DENND5B: variants seen among roughly 807,000 people sequenced by gnomAD.
DENND5B encodes the protein DENN domain containing 5B.
In DENND5B, 34 loss-of-function variants were observed where a neutral mutation model predicts 140.6. The observed-to-expected ratio is 0.24, with a 90% CI of 0.18 to 0.32. The LOEUF (loss-of-function observed/expected upper bound fraction) is 0.32. Ranked by LOEUF, DENND5B falls within the 10% of genes least tolerant of loss-of-function variation. The pLI, the probability that DENND5B is intolerant of heterozygous loss-of-function variation, is 1.00. For synonymous variants in DENND5B, 551 were observed against 562.1 expected (o/e 0.98, Z 0.28); for missense variants, 1,142 against 1,560.2 (o/e 0.73, Z 4.52).
intron 1 of DENND5B, among the ~76,000 whole-genome samples, chr12:31,541,318 A>G (rs972854974): frequency 3.9e-5 from 6 of 152,198 alleles, no homozygotes; most frequent in African/African-American, 1.4e-4. Flanking sequence ...CAAGGGATTA[A>G]TATCCAAAAT....
rs377370269 is a variant in DENND5B at position 31,528,059 on chromosome 12, G to A, written c.128-32140C>T. Among the ~76,000 whole-genome samples the A allele has an allele frequency of 5.3e-5, 8 of 152,298 alleles. No homozygotes were observed. The South Asian group carries it at 6.2e-4, about 12-fold the overall frequency. Reference sequence around the variant, plus strand: ...CAACCTTGACTGAAATCCTAAACAGGAGAATGTATTAATTTCCAATGGCTG... The same window carrying A: ...CAACCTTGACTGAAATCCTAAACAGAAGAATGTATTAATTTCCAATGGCTG... On this transcript the variant is annotated intron_variant, in intron 1 of 20. Coordinates refer to ENST00000389082, the MANE Select transcript of DENND5B (RefSeq NM_144973.4).
chr12:31,523,574 G>T (rs1733866146), intron 1 of DENND5B, among the ~76,000 whole-genome samples: 2 of 151,184 alleles, frequency 1.3e-5, no homozygotes, highest in African/African-American at 2.4e-5. Flanking sequence ...TTATTAATCT[G>T]TTTTGACATT....
At chr12:31,573,184 T>C (rs1949882858) in intron 1 of DENND5B, among the ~76,000 whole-genome samples, 1 of 152,208 alleles carries the variant, frequency 6.6e-6, no homozygotes, top group Non-Finnish European at 1.5e-5. Context: ...TTCAGAGATA[T>C]TAAAAAATAT....
At chr12:31,516,956 G>A (rs1947680012) in intron 1 of DENND5B, among the ~76,000 whole-genome samples, 1 of 152,104 alleles carries the variant, frequency 6.6e-6, no homozygotes, top group Admixed American at 6.6e-5. Context: ...TTAAAAAGAA[G>A]AAATTAGAGC....
At chr12:31,442,234 T>C (rs1159784806) in intron 7 of DENND5B, among the ~76,000 whole-genome samples, 3 of 152,172 alleles carry the variant, frequency 2.0e-5, no homozygotes, top group Non-Finnish European at 2.9e-5. Flanking sequence ...TAGACTGGTG[T>C]GACAGGCTGT....
At chr12:31,539,212 A>G (rs546034254) in intron 1 of DENND5B, among the ~76,000 whole-genome samples, 23 of 152,270 alleles carry the variant, frequency 1.5e-4, no homozygotes, top group African/African-American at 5.3e-4. Context: ...GAACAAACCA[A>G]TAACAAGCAA....
chr12:31,517,308 T>C (rs1947697322), intron 1 of DENND5B, among the ~76,000 whole-genome samples: 1 of 152,230 alleles, frequency 6.6e-6, no homozygotes. Context: ...TGTTTTGTTT[T>C]GTTTTTCTGT....
chr12:31,416,557 C>G (rs1168350277), intron 11 of DENND5B, among the ~76,000 whole-genome samples: 1 of 152,112 alleles, frequency 6.6e-6, no homozygotes, highest in Non-Finnish European at 1.5e-5. Flanking sequence ...AGCCACCATG[C>G]CTGGCCAGTT....
chr12:31,468,834 A>G (rs4931502), intron 3 of DENND5B, among the ~76,000 whole-genome samples: 20,350 of 151,620 alleles, frequency 0.13, 1,608 homozygotes, highest in Non-Finnish European at 0.18. Flanking sequence ...AAACAAAAGG[A>G]AGTAATATAA....
At chr12:31,433,715 T>C (rs749670942) in intron 7 of DENND5B, among the ~76,000 whole-genome samples, 1 of 152,210 alleles carries the variant, frequency 6.6e-6, no homozygotes, top group Non-Finnish European at 1.5e-5. Flanking sequence ...TGTATGAAGC[T>C]TCCAACCTTT....
intron 1 of DENND5B, among the ~76,000 whole-genome samples, chr12:31,556,042 G>A (rs762716304): frequency 8.5e-5 from 13 of 152,202 alleles, no homozygotes; most frequent in African/African-American, 1.9e-4. Context: ...CGGCTTGCGC[G>A]TGGTGCGCTG....
intron 6 of DENND5B, 118 bp from the exon 7 acceptor site, chr12:31,443,043 A>T: frequency 1.4e-6 from 1 of 699,950 alleles, no homozygotes; most frequent in Non-Finnish European, 2.1e-6. Context: ...TGAAACAGAT[A>T]TTGTGTGTGT....
In DENND5B at chr12:31,395,225, T is replaced by C. The variant is rs192505423; in HGVS notation, c.3257-2529A>G. ...GCATGTATCTTTATAAATGCCAAGA[T>C]GTTATTTTGTATTCCTACTAGCAAT... On this transcript the variant is annotated intron_variant, in intron 17 of 20. Coordinates refer to ENST00000389082, the MANE Select transcript of DENND5B (RefSeq NM_144973.4). Among the ~76,000 whole-genome samples, 376 of 152,318 alleles carry C rather than the reference T, an allele frequency of 2.5e-3. 2 individuals are homozygous for C. The highest frequency in any genetic ancestry group is 4.1e-3 in the Non-Finnish European group (281 of 68,032).
chr12:31,403,664 G>A (rs1471786882), intron 14 of DENND5B, among the ~76,000 whole-genome samples: 13 of 150,574 alleles, frequency 8.6e-5, no homozygotes, highest in African/African-American at 1.5e-4. Flanking sequence ...TTGGGAGGCC[G>A]AGGTGGGTGG....
intron 2 of DENND5B, among the ~76,000 whole-genome samples, chr12:31,488,214 G>C (rs957999841): frequency 4.0e-5 from 6 of 150,756 alleles, no homozygotes; most frequent in Non-Finnish European, 8.8e-5. Context: ...GGTCTCAAGT[G>C]ATCCACTCGC....
chr12:31,563,888 G>A (rs1200600094), intron 1 of DENND5B, among the ~76,000 whole-genome samples: 1 of 152,206 alleles, frequency 6.6e-6, no homozygotes, highest in East Asian at 1.9e-4. Context: ...AGGCTGAGGT[G>A]AGTGGATCAC....
chr12:31,452,759 T>TA (rs1944594347), intron 4 of DENND5B, among the ~76,000 whole-genome samples: 1 of 152,238 alleles, frequency 6.6e-6, no homozygotes, highest in Non-Finnish European at 1.5e-5. Flanking sequence ...TCTTATTCTT[T>TA]AAAAATAACC....
At position 31,480,112 on chromosome 12, in the gene DENND5B, T is replaced by G. The variant is rs1946003614; in HGVS notation, c.381A>C (p.Gln127His). The G allele has an allele frequency of 6.2e-7, 1 of 1,613,438 alleles. No individual in the cohort carries two copies. Among genetic ancestry groups the G allele is most frequent in the Non-Finnish European group, 8.5e-7 (1 of 1,179,660 alleles). Reference sequence around the variant, plus strand: ...AAAGTGTCTGCATTGCTGTGCAGATTTGCTTACTTGTAACTTCTTCATAAA... The same window carrying G: ...AAAGTGTCTGCATTGCTGTGCAGATGTGCTTACTTGTAACTTCTTCATAAA... ...LTFYEEVTSKQICTAMQTLYQ... is the reference protein window; with the variant it reads ...LTFYEEVTSKHICTAMQTLYQ... The change falls in exon 3 of 21, where the codon CAA (glutamine) becomes CAC (histidine). Residue 127 changes from glutamine (Q) to histidine (H), a missense_variant. Gln to His is a conservative substitution (Grantham distance 24). Transcript: ENST00000389082.
intron 1 of DENND5B, among the ~76,000 whole-genome samples, chr12:31,574,553 G>A (rs1235290333): frequency 1.3e-5 from 2 of 151,944 alleles, no homozygotes; most frequent in Non-Finnish European, 1.5e-5. Context: ...TTGCGTCACC[G>A]CACTCCAGCC....
Sources: gnomAD v4.1 joint callset for allele counts (sites outside exome capture counted in the v4.1 genomes callset) on GRCh38, gnomAD v4.1.1 for gene constraint, MANE v1.5 for transcripts, NCBI Gene and HGNC (gene_info 2026-07-23, HGNC 2026-07-21) for gene names.